Variants in ORC2 observed in about 807,000 individuals in gnomAD.
The protein encoded by ORC2 is origin recognition complex protein 2 homolog.
In ORC2, 37 loss-of-function variants were observed where a neutral mutation model predicts 77.7. That is an observed-to-expected ratio of 0.48 (90% CI 0.37 to 0.63). The LOEUF (loss-of-function observed/expected upper bound fraction) is 0.63, where lower values mean the gene tolerates loss of function less well. ORC2 is among the 20% of genes least tolerant of loss of function. The pLI is 0.00. For missense variants in ORC2, 557 were observed against 661.9 expected (o/e 0.84, Z 1.74); for synonymous variants, 201 against 229.5 (o/e 0.88, Z 1.12).
chr2:200,929,399 A>G (rs1247956328), intron 11 of ORC2, among the ~76,000 whole-genome samples: 1 of 152,244 alleles, frequency 6.6e-6, no homozygotes, highest in East Asian at 1.9e-4. Flanking sequence ...CTTAGCTGTC[A>G]TGGAGAAAAA....
intron 5 of ORC2, among the ~76,000 whole-genome samples, chr2:200,945,785 A>C (rs1253015810): frequency 2.6e-5 from 4 of 152,120 alleles, no homozygotes; most frequent in Admixed American, 2.6e-4. Flanking sequence ...TACCTCATTT[A>C]TATTTATCTG....
chr2:200,963,241 C>A, intron 1 of ORC2: 1 of 392,942 alleles, frequency 2.5e-6, no homozygotes, highest in Non-Finnish European at 4.5e-6. Context: ...AGGACTTTGG[C>A]CTGCGCCTCC....
At chr2:200,927,344 A>C (rs1276099098) in intron 11 of ORC2, among the ~76,000 whole-genome samples, 1 of 151,930 alleles carries the variant, frequency 6.6e-6, no homozygotes, top group Non-Finnish European at 1.5e-5. Flanking sequence ...TTGGCCCCCA[A>C]AATTGCTGGG....
At chr2:200,926,082 A>G in intron 12 of ORC2, 150 bp from the exon 13 acceptor site, 1 of 384,336 alleles carries the variant, frequency 2.6e-6, no homozygotes, top group Non-Finnish European at 4.8e-6. Flanking sequence ...CTGGTACTTG[A>G]GTATATCTAA....
rs372295843 is a variant in ORC2 at position 200,920,392 on chromosome 2, C to T, written c.1296G>A (p.Met432Ile). 372 of 1,547,244 alleles carry T rather than the reference C, an allele frequency of 2.4e-4. No individual in the cohort carries two copies. Among genetic ancestry groups the T allele is most frequent in the Non-Finnish European group, 2.9e-4 (337 of 1,144,272 alleles). Residue 432 changes from methionine (M) to isoleucine (I), a missense_variant and splice_region_variant, in exon 15 of 18, where the codon ATG (methionine) becomes ATA (isoleucine). Transcript: ENST00000234296. ...AAAGACTCTGCTTTGCATGATCCCA[C>T]ACTAGCACATGATCAAAGAAAACAA... The part of the protein sequence containing the change: ...ASIDHLNAPL[M>I]WDHAKQSLFN...
chr2:200,946,507 G>T (rs1436569242), intron 5 of ORC2, among the ~76,000 whole-genome samples: 1 of 152,080 alleles, frequency 6.6e-6, no homozygotes, highest in African/African-American at 2.4e-5. Flanking sequence ...AAATTTCATG[G>T]TCATAATAAT....
At chr2:200,928,051 T>C (rs1344821774) in intron 11 of ORC2, among the ~76,000 whole-genome samples, 1 of 151,730 alleles carries the variant, frequency 6.6e-6, no homozygotes, top group Non-Finnish European at 1.5e-5. Flanking sequence ...AAAAAAAAAG[T>C]ATTCTTTTTA....
In ORC2 at chr2:200,926,255, C is replaced by T. The variant is rs552130529; in HGVS notation, c.1051-323G>A. Among the ~76,000 whole-genome samples the T allele has an allele frequency of 4.6e-5, 7 of 152,210 alleles. 1 individual carries two copies. In the South Asian group the frequency reaches 1.5e-3, roughly 32 times the overall value. ...CAGTTCTATCAAAGGAAACAGGACA[C>T]AAACACTACAGACACTTTAAAAAAG... is the stretch of plus-strand genomic sequence containing the variant. On this transcript the variant is annotated intron_variant, in intron 12 of 17. Transcript: ENST00000234296.
chr2:200,933,634 C>T (rs527592110), intron 10 of ORC2, among the ~76,000 whole-genome samples: 1 of 152,224 alleles, frequency 6.6e-6, no homozygotes, highest in South Asian at 2.1e-4. Context: ...GTCTCAAACT[C>T]CTGTGTTCAC....
intron 6 of ORC2, among the ~76,000 whole-genome samples, chr2:200,941,495 T>TAAAAAAA (rs762042280): frequency 1.6e-4 from 17 of 105,052 alleles, no homozygotes; most frequent in Non-Finnish European, 1.9e-4. Flanking sequence ...AATTAAAAAT[T>TAAAAAAA]AAAAAAAAAA....
rs182457956 is a variant in ORC2, at chr2:200,916,742, G to A, written c.1467-2750C>T. On this transcript the variant is annotated intron_variant, in intron 15 of 17. Coordinates refer to ENST00000234296, the MANE Select transcript of ORC2 (RefSeq NM_006190.5). ...ATTTGAGACGGAGTCTCGCTCTGTC[G>A]CCCAGGCTGGAGTGCAGTGGTGCGA... Among the ~76,000 whole-genome samples the A allele has an allele frequency of 4.0e-5, 6 of 151,800 alleles. No homozygotes were observed. In the East Asian group the frequency reaches 9.7e-4, roughly 25 times the overall value.
intron 2 of ORC2, among the ~76,000 whole-genome samples, chr2:200,959,007 C>A (rs1303185417): frequency 1.3e-5 from 2 of 152,144 alleles, no homozygotes; most frequent in Non-Finnish European, 2.9e-5. Context: ...AAACTATTGA[C>A]TGTGTCTCTC....
intron 11 of ORC2, among the ~76,000 whole-genome samples, chr2:200,927,729 G>A (rs1006035312): frequency 2.7e-5 from 4 of 148,354 alleles, no homozygotes; most frequent in Non-Finnish European, 4.5e-5. Context: ...TTTTTTTTTC[G>A]CTCTGTCGCC....
At chr2:200,924,177 A>C (rs1415251774) in intron 13 of ORC2, among the ~76,000 whole-genome samples, 1 of 152,072 alleles carries the variant, frequency 6.6e-6, no homozygotes, top group South Asian at 2.1e-4. Context: ...GTGAGACTCC[A>C]TCTCTACAAA....
At chr2:200,930,700 ACTTC>A (rs2040925022) in intron 11 of ORC2, among the ~76,000 whole-genome samples, 1 of 152,054 alleles carries the variant, frequency 6.6e-6, no homozygotes. Context: ...CATTTTAAGC[ACTTC>A]CTTATGTTCA....
chr2:200,953,536 T>C (rs1263839015), intron 4 of ORC2, among the ~76,000 whole-genome samples: 1 of 152,040 alleles, frequency 6.6e-6, no homozygotes, highest in Admixed American at 6.6e-5. Context: ...GGTGGTTCCT[T>C]AAAAAATTAA....
At position 200,957,393 on chromosome 2, in the gene ORC2, T is replaced by G. The variant is rs1377216344; in HGVS notation, c.238+8A>C. ...AGAAACGAGTGTATATTTCACCCCC[T>G]CAAATACCTTGAACATCTCTTCCCA... On this transcript the variant is annotated splice_region_variant and intron_variant, in intron 4 of 17. Transcript: ENST00000234296. The G allele has an allele frequency of 6.4e-7, 1 of 1,563,396 alleles. No individual in the cohort carries two copies. Among genetic ancestry groups the G allele is most frequent in the Admixed American group, 1.9e-5 (1 of 53,782 alleles).
intron 5 of ORC2, among the ~76,000 whole-genome samples, chr2:200,947,513 G>A (rs2041271357): frequency 6.6e-6 from 1 of 152,152 alleles, no homozygotes; most frequent in Non-Finnish European, 1.5e-5. Flanking sequence ...ATCCATAGGT[G>A]TTTTATAATT....
Position 200,935,830 on chromosome 2 carries a change from C to T in ORC2, c.577G>A (p.Gly193Arg), listed in dbSNP as rs1431488067. 6.2e-7 allele frequency: 1 copy of T among 1,614,074 alleles called. No homozygotes were observed. The highest frequency in any genetic ancestry group is 1.1e-5 in the South Asian group (1 of 91,084). The part of the protein sequence containing the change: ...YSASNSEDDE[G>R]VAQEHEEDTN... The stretch of plus-strand genomic sequence containing the variant: ...TCCTCTTCATGTTCCTGTGCAACCC[C>T]TTCATCATCCTCTGAGTTGGAAGCA... Residue 193 changes from glycine (G) to arginine (R), a missense_variant, in exon 9 of 18, where the codon GGG becomes AGG. Coordinates refer to ENST00000234296, the MANE Select transcript of ORC2 (RefSeq NM_006190.5).
Sources: gnomAD v4.1 joint callset for allele counts (sites outside exome capture counted in the v4.1 genomes callset) on GRCh38, gnomAD v4.1.1 for gene constraint, MANE v1.5 for transcripts, NCBI Gene and HGNC (gene_info 2026-07-23, HGNC 2026-07-21) for gene names.